The following GEMIN5 variants were observed in gnomAD, a reference collection of about 807,000 sequenced individuals.
GEMIN5 encodes the protein gem-associated protein 5.
Under a neutral mutation model 176.9 loss-of-function variants are expected in GEMIN5, and 124 were observed. The observed-to-expected ratio is 0.70, with a 90% CI of 0.61 to 0.81. GEMIN5 has a LOEUF of 0.81. Among genes scored for constraint, GEMIN5 ranks in the 40% least tolerant of loss-of-function variants. The probability of loss-of-function intolerance (pLI) is 0.00; values close to 1 mark genes in which losing one functional copy is unlikely to be tolerated. For missense variants in GEMIN5, 1,843 were observed against 1,814.6 expected (o/e 1.02, Z -0.28); for synonymous variants, 673 against 665.2 (o/e 1.01, Z -0.18).
At chr5:154,928,495 T>C (rs1456735303) in intron 6 of GEMIN5, 32 bp downstream of exon 6, 9 of 1,609,304 alleles carry the variant, frequency 5.6e-6, no homozygotes, top group Admixed American at 1.7e-5. Context: ...AAACAAAATA[T>C]ATCTGAGAAA....
chr5:154,907,750 T>C lies in GEMIN5; in HGVS notation c.2236A>G (p.Lys746Glu). ...TTTACAGGAGTTCTCAAGGTGGGCT[T>C]TTTCTTCTTTTTGGGCTTTGCCTTA... ...QPKAKPKKKK[K>E]PTLRTPVKLE... The change falls in exon 16 of 28, where the codon AAG becomes GAG. Residue 746 changes from lysine (K) to glutamate (E), a missense_variant. Lys to Glu is a moderately conservative substitution (Grantham distance 56). Transcript: ENST00000285873. 1 of 1,614,166 alleles carries C rather than the reference T, an allele frequency of 6.2e-7. No individual in the cohort carries two copies. The highest frequency in any genetic ancestry group is 8.5e-7 in the Non-Finnish European group (1 of 1,180,022).
chr5:154,892,280 G>T, intron 25 of GEMIN5, 107 bp downstream of exon 25: 1 of 874,922 alleles, frequency 1.1e-6, no homozygotes, highest in Non-Finnish European at 1.8e-6. Context: ...TGACACAGCT[G>T]GCCAATCTCC....
At chr5:154,903,227 A>C in intron 18 of GEMIN5, 52 bp from the exon 19 acceptor site, 1 of 1,168,940 alleles carries the variant, frequency 8.6e-7, no homozygotes, top group Non-Finnish European at 1.3e-6. Flanking sequence ...CATTGATTAC[A>C]GTTTTCTCTC....
chr5:154,904,983 A>T (rs1331061253), intron 17 of GEMIN5, among the ~76,000 whole-genome samples: 2 of 152,086 alleles, frequency 1.3e-5, no homozygotes, highest in Non-Finnish European at 2.9e-5. Flanking sequence ...ACTGGAGGCC[A>T]GCAGTTCGAG....
Position 154,888,352 on chromosome 5 carries a change from T to G in GEMIN5, c.4385A>C (p.Glu1462Ala), listed in dbSNP as rs1163025283. Residue 1462 changes from glutamate to alanine, a missense_variant, in exon 28 of 28, where the codon GAG (glutamate) becomes GCG (alanine). Physicochemically the swap from Glu to Ala is moderately radical, Grantham distance 107 (BLOSUM62 -1). Transcript: ENST00000285873. ...IKAWPFPDVLECCLVLLLIRS... is the reference protein window; with the variant it reads ...IKAWPFPDVLACCLVLLLIRS... ...GATGAGAAGCAGGACGAGGCAGCAC[T>G]CCAGCACATCTGGGAAGGGCCAGGC... 4 of 1,613,912 alleles carry G rather than the reference T, an allele frequency of 2.5e-6. No individual in the cohort carries two copies. The highest frequency in any genetic ancestry group is 1.7e-5 in the Admixed American group (1 of 59,938).
Position 154,937,965 on chromosome 5 carries a change from T to C in GEMIN5, c.166+3A>G. ...AGTCTCGGGCCCAAGGGTGGTGAGTTACCTCGAAACGGGGGTGTCCCTGGA... is the reference window on the plus strand; with the variant it reads ...AGTCTCGGGCCCAAGGGTGGTGAGTCACCTCGAAACGGGGGTGTCCCTGGA... On this transcript the variant is annotated splice_donor_region_variant and intron_variant, in intron 1 of 27. Transcript: ENST00000285873. 6.4e-7 allele frequency: 1 copy of C among 1,571,962 alleles called. No homozygotes were observed.
intron 12 of GEMIN5, among the ~76,000 whole-genome samples, 162 bp from the exon 13 acceptor site, chr5:154,917,341 T>C (rs1391837080): frequency 6.6e-6 from 1 of 152,204 alleles, no homozygotes; most frequent in Admixed American, 6.5e-5. Context: ...AAATCAAGTA[T>C]AAAAAGTTAT....
At chr5:154,919,862 G>T in intron 11 of GEMIN5, 105 bp downstream of exon 11, 1 of 948,788 alleles carries the variant, frequency 1.1e-6, no homozygotes, top group Non-Finnish European at 1.6e-6. Flanking sequence ...ATCTGACTTA[G>T]TATGATGATG....
intron 5 of GEMIN5, 143 bp from the exon 6 acceptor site, chr5:154,928,802 T>C: frequency 1.5e-6 from 1 of 672,470 alleles, no homozygotes; most frequent in Non-Finnish European, 2.6e-6. Flanking sequence ...TTTCCAATGG[T>C]TACAATTTTA....
At position 154,904,573 on chromosome 5, in the gene GEMIN5, C is replaced by T. The variant is rs1763531751; in HGVS notation, c.2566G>A (p.Asp856Asn). Residue 856 changes from aspartate to asparagine, a missense_variant, in exon 18 of 28, where the codon GAC (aspartate) becomes AAC (asparagine). Physicochemically the swap from Asp to Asn is conservative, Grantham distance 23 (BLOSUM62 1). Transcript: ENST00000285873. ...TGAAGCTCCTCTTTGGATCTGTGGTCCAGGCTTGTACTCAGGGGAAGCAAG... is the reference window on the plus strand; with the variant it reads ...TGAAGCTCCTCTTTGGATCTGTGGTTCAGGCTTGTACTCAGGGGAAGCAAG... ...RSLLPLSTSLDHRSKEELHQD... is the reference protein window; with the variant it reads ...RSLLPLSTSLNHRSKEELHQD... 6.2e-7 allele frequency: 1 copy of T among 1,612,590 alleles called. No homozygotes were observed. The highest frequency in any genetic ancestry group is 8.5e-7 in the Non-Finnish European group (1 of 1,178,678).
intron 16 of GEMIN5, among the ~76,000 whole-genome samples, chr5:154,906,656 T>A (rs140096627): frequency 2.6e-5 from 4 of 152,292 alleles, no homozygotes; most frequent in Admixed American, 6.5e-5. Flanking sequence ...CTCAGCCTCC[T>A]GAGGATCTGG....
chr5:154,910,678 G>A (rs1455907779), intron 15 of GEMIN5, among the ~76,000 whole-genome samples: 1 of 152,128 alleles, frequency 6.6e-6, no homozygotes, highest in Non-Finnish European at 1.5e-5. Context: ...TCTTAGCCAG[G>A]AATGGAATTT....
chr5:154,905,277 C>T lies in GEMIN5; in HGVS notation c.2509+86G>A, dbSNP rs889373224. On this transcript the variant is annotated intron_variant, in intron 17 of 27. Coordinates refer to ENST00000285873, the MANE Select transcript of GEMIN5 (RefSeq NM_015465.5). ...ACCTATAAAAACAAACAAGAAACCACACTGTTTTTTGACAGTTGCGTGTAA... is the reference window on the plus strand; with the variant it reads ...ACCTATAAAAACAAACAAGAAACCATACTGTTTTTTGACAGTTGCGTGTAA... 9 of 591,720 alleles carry T rather than the reference C, an allele frequency of 1.5e-5. No individual in the cohort carries two copies. In the African/African-American group the frequency reaches 1.7e-4, roughly 11 times the overall value. 36.7% of individuals were successfully genotyped at this position (591,720 alleles called of 1,614,324 possible).
rs192331743 is a variant in GEMIN5 at position 154,924,732 on chromosome 5, G to A, written c.1294-178C>T. 8.5e-3 allele frequency among the ~76,000 whole-genome samples: 1,288 copies of A among 152,240 alleles called. 14 individuals are homozygous for A. The highest frequency in any genetic ancestry group is 0.03 in the African/African-American group (1,226 of 41,480). ...CGGCCGGGCGCAGTGGCTCACGCCT[G>A]TAATCCCAGCACTTTGGGAGGCAGA... is the stretch of plus-strand genomic sequence containing the variant. On this transcript the variant is annotated intron_variant, in intron 8 of 27. Transcript: ENST00000285873.
At chr5:154,936,307 CTCG>C (rs1176505967) in intron 2 of GEMIN5, among the ~76,000 whole-genome samples, 6 of 151,998 alleles carry the variant, frequency 3.9e-5, no homozygotes, top group African/African-American at 1.2e-4. Flanking sequence ...GTTCCAGCTA[CTCG>C]AGAGGCTGAG....
intron 24 of GEMIN5, among the ~76,000 whole-genome samples, chr5:154,895,817 G>C (rs1184307911): frequency 2.0e-5 from 3 of 152,172 alleles, no homozygotes; most frequent in Non-Finnish European, 2.9e-5. Context: ...GAATCTGGGA[G>C]GTGGCGGCTG....
intron 26 of GEMIN5, among the ~76,000 whole-genome samples, chr5:154,890,698 G>GC (rs766220155): frequency 2.6e-5 from 4 of 152,104 alleles, no homozygotes; most frequent in Non-Finnish European, 5.9e-5. Context: ...TGAGCTCCTG[G>GC]CCTCAAGTGA....
chr5:154,922,729 C>T (rs1175874540), intron 9 of GEMIN5, among the ~76,000 whole-genome samples: 1 of 138,042 alleles, frequency 7.2e-6, no homozygotes, highest in Non-Finnish European at 1.5e-5. Flanking sequence ...TGGAGTCTTG[C>T]TCTGTTGCCC....
Position 154,920,019 on chromosome 5 carries a change from C to G in GEMIN5, c.1547G>C (p.Ser516Thr), listed in dbSNP as rs1489830539. Residue 516 changes from serine to threonine, a missense_variant, in exon 11 of 28, where the codon AGT becomes ACT. Transcript: ENST00000285873. The stretch of plus-strand genomic sequence containing the variant: ...TTTGTTGATGTCAAAGGCTTCTCCA[C>G]TAAGCTTCCAGGGATTATGCTGTAA... ...IVLQHNPWKLSGEAFDINKLI... is the reference protein window; with the variant it reads ...IVLQHNPWKLTGEAFDINKLI... 6 of 1,613,610 alleles carry G rather than the reference C, an allele frequency of 3.7e-6. No homozygotes were observed. The highest frequency in any genetic ancestry group is 5.1e-6 in the Non-Finnish European group (6 of 1,179,718).
Sources: gnomAD v4.1 joint callset for allele counts (sites outside exome capture counted in the v4.1 genomes callset) on GRCh38, gnomAD v4.1.1 for gene constraint, MANE v1.5 for transcripts, NCBI Gene and HGNC (gene_info 2026-07-23, HGNC 2026-07-21) for gene names.